The following GNG7 variants were observed in gnomAD, a reference collection of about 807,000 sequenced individuals.
The protein encoded by GNG7 is G protein subunit gamma 7.
In GNG7, 1 loss-of-function variant was observed where a neutral mutation model predicts 4.0. The observed-to-expected ratio is 0.25, with a 90% CI of 0.09 to 1.18. The LOEUF is 1.18. Among genes scored for constraint, GNG7 ranks in the 50% most tolerant of loss-of-function variants. The probability of loss-of-function intolerance (pLI) is 0.50; values close to 1 mark genes in which losing one functional copy is unlikely to be tolerated. For missense variants in GNG7, 86 were observed against 91.9 expected, an observed-to-expected ratio of 0.94 and a Z score of 0.26; for synonymous variants, 34 against 36.9, an observed-to-expected ratio of 0.92 and a Z score of 0.29.
At chr19:2,556,926 C>T (rs575014923) in intron 2 of GNG7, among the ~76,000 whole-genome samples, 20 of 152,278 alleles carry the variant, frequency 1.3e-4, no homozygotes, top group Admixed American at 5.2e-4. Flanking sequence ...CCCCGGGTCC[C>T]CTGGGGGGCA....
chr19:2,672,647 T>C (rs1018909873), intron 1 of GNG7, among the ~76,000 whole-genome samples: 2 of 152,058 alleles, frequency 1.3e-5, no homozygotes, highest in African/African-American at 2.4e-5. Flanking sequence ...GGTTTCACCA[T>C]GTTGGCCAGC....
At chr19:2,596,542 A>G (rs73526831) in intron 2 of GNG7, among the ~76,000 whole-genome samples, 9,713 of 151,512 alleles carry the variant, frequency 0.064, 1,028 homozygotes, top group African/African-American at 0.22. Flanking sequence ...AGTGATATCC[A>G]CCTGTGGTCC....
chr19:2,515,043 C>T lies in GNG7; in HGVS notation c.186G>A (p.Lys62=). ...VPASENPFKD[K]KPCIIL is the part of the protein sequence containing the mutation. ...ACAGTTATAAAATAATACAAGGTTT[C>T]TTGTCCTTAAAGGGGTTCTCCGAGG... Residue 62 remains lysine (K), a synonymous_variant, in exon 5 of 5, where the codon AAG becomes AAA. Coordinates refer to ENST00000382159, the MANE Select transcript of GNG7 (RefSeq NM_052847.3). The T allele has an allele frequency of 6.2e-7, 1 of 1,613,788 alleles. No individual in the cohort carries two copies. Among genetic ancestry groups the T allele is most frequent in the Non-Finnish European group, 8.5e-7 (1 of 1,179,792 alleles).
chr19:2,593,487 T>G (rs966444881), intron 2 of GNG7, among the ~76,000 whole-genome samples: 8 of 152,160 alleles, frequency 5.3e-5, no homozygotes, highest in Non-Finnish European at 1.0e-4. Flanking sequence ...CTCACACCTG[T>G]AATCCCAGCA....
At chr19:2,522,438 G>T (rs61026247) in intron 3 of GNG7, among the ~76,000 whole-genome samples, 48,751 of 151,918 alleles carry the variant, frequency 0.32, 7,830 homozygotes, top group South Asian at 0.39. Flanking sequence ...GAGAAGTCAA[G>T]GCAGATTCCA....
Position 2,634,014 on chromosome 19 carries a change from C to G in GNG7, c.-78+12210G>C, listed in dbSNP as rs1982241554. On this transcript the variant is annotated intron_variant, in intron 2 of 4. Coordinates refer to ENST00000382159, the MANE Select transcript of GNG7 (RefSeq NM_052847.3). This position sits in a 1 kb window ranked among gnomAD's most constrained non-coding sequence, Gnocchi z 5.3. ...ACGGACCCCCAAGAGACTCCGCGTCCCATGATCCTCTGCCCTGCTGAGGTC... is the reference window on the plus strand; with the variant it reads ...ACGGACCCCCAAGAGACTCCGCGTCGCATGATCCTCTGCCCTGCTGAGGTC... 1.3e-5 allele frequency among the ~76,000 whole-genome samples: 2 copies of G among 152,100 alleles called. No individual in the cohort carries two copies. Among genetic ancestry groups the G allele is most frequent in the South Asian group, 4.2e-4 (2 of 4,812 alleles).
intron 3 of GNG7, among the ~76,000 whole-genome samples, chr19:2,553,821 TGTA>T (rs1444416544): frequency 1.0e-4 from 10 of 99,888 alleles, no homozygotes; most frequent in East Asian, 8.9e-4. Flanking sequence ...ATCACATACA[TGTA>T]CATATTATAT....
chr19:2,538,242 G>C, intron 3 of GNG7: 1 of 456,632 alleles, frequency 2.2e-6, no homozygotes, highest in Non-Finnish European at 4.4e-6. Context: ...AAGGAAAGCC[G>C]TGCTGAGTGG....
chr19:2,575,965 A>ACG (rs1980321457), intron 2 of GNG7, among the ~76,000 whole-genome samples: 1 of 143,486 alleles, frequency 7.0e-6, no homozygotes, highest in African/African-American at 2.9e-5. Context: ...ACATGCAGAC[A>ACG]CAGGCACATG....
At chr19:2,663,417 C>T (rs998597137) in intron 1 of GNG7, among the ~76,000 whole-genome samples, 5 of 151,574 alleles carry the variant, frequency 3.3e-5, no homozygotes, top group South Asian at 4.2e-4. Context: ...CCACCTCTGA[C>T]GCAGCAAGAA....
chr19:2,643,134 C>T (rs1431679206), intron 2 of GNG7: 2 of 453,790 alleles, frequency 4.4e-6, no homozygotes, highest in East Asian at 7.1e-5. Context: ...CCGGGCTCTG[C>T]ACACCTTCCC....
intron 2 of GNG7, among the ~76,000 whole-genome samples, chr19:2,598,439 C>G (rs916043025): frequency 6.6e-6 from 1 of 151,040 alleles, no homozygotes; most frequent in African/African-American, 2.4e-5. Context: ...GGGCGGATCA[C>G]GAGGTCAGGA....
At chr19:2,644,156 G>C (rs928869323) in intron 2 of GNG7, among the ~76,000 whole-genome samples, 3 of 151,540 alleles carry the variant, frequency 2.0e-5, no homozygotes, top group Non-Finnish European at 2.9e-5. Flanking sequence ...AAGTAGCTGG[G>C]ATTACAGGTG....
Position 2,557,285 on chromosome 19 carries a change from GCACA to G in GNG7, c.-77-2101_-77-2098del, listed in dbSNP as rs746531459. 1.3e-5 allele frequency among the ~76,000 whole-genome samples: 2 copies of G among 149,796 alleles called. No individual in the cohort carries two copies. The highest frequency in any genetic ancestry group is 5.0e-5 in the African/African-American group (2 of 40,328). ...CACACATTTGCACACACAGACACGT[GCACA>G]CACAGAGGTGCACATACACGCACAG... On this transcript the variant is annotated intron_variant, in intron 2 of 4. Transcript: ENST00000382159. This position sits in a 1 kb window ranked among gnomAD's most constrained non-coding sequence, Gnocchi z 5.1.
At chr19:2,690,857 C>A (rs1238025566) in intron 1 of GNG7, among the ~76,000 whole-genome samples, 1 of 152,130 alleles carries the variant, frequency 6.6e-6, no homozygotes, top group Non-Finnish European at 1.5e-5. Flanking sequence ...GACTCCCAAA[C>A]TGCTGGGATT....
chr19:2,657,389 T>A (rs1353192399), intron 1 of GNG7, among the ~76,000 whole-genome samples: 16 of 89,550 alleles, frequency 1.8e-4, no homozygotes, highest in Admixed American at 4.9e-4. Flanking sequence ...TATATATATA[T>A]ATATATATAT....
chr19:2,567,112 AAAAAAAAAAAC>A (rs1360758658), intron 2 of GNG7, among the ~76,000 whole-genome samples: 273 of 8,024 alleles, frequency 0.034, no homozygotes, highest in Middle Eastern at 0.056. Flanking sequence ...ACTCCGTCTC[AAAAAAAAAAAC>A]AAAAAAAACA....
intron 3 of GNG7, among the ~76,000 whole-genome samples, chr19:2,539,461 C>T (rs1015800567): frequency 2.0e-4 from 31 of 151,872 alleles, no homozygotes; most frequent in African/African-American, 5.3e-4. Flanking sequence ...TCCGCCACCA[C>T]GCCTGGCTAA....
At chr19:2,598,670 AG>A (rs1981105140) in intron 2 of GNG7, among the ~76,000 whole-genome samples, 1 of 124,300 alleles carries the variant, frequency 8.0e-6, no homozygotes, top group Non-Finnish European at 1.6e-5. Flanking sequence ...AAAAATGAAA[AG>A]TAATAAAATA....
Sources: gnomAD v4.1 joint callset for allele counts (sites outside exome capture counted in the v4.1 genomes callset) on GRCh38, gnomAD v4.1.1 for gene constraint, Gnocchi (gnomAD v3.1) non-coding constraint, MANE v1.5 for transcripts, NCBI Gene and HGNC (gene_info 2026-07-23, HGNC 2026-07-21) for gene names.